The following SOX6 variants were observed in gnomAD, a reference collection of about 807,000 sequenced individuals.
SOX6 encodes the protein transcription factor SOX-6.
A neutral mutation model predicts 97.8 loss-of-function variants in SOX6; 11 were observed. That is an observed-to-expected ratio of 0.11 (90% confidence interval 0.07 to 0.19). The LOEUF is 0.19. Among genes scored for constraint, SOX6 ranks in the 10% least tolerant of loss-of-function variants. The pLI, the probability that SOX6 is intolerant of heterozygous loss-of-function variation, is 1.00. For synonymous variants in SOX6, 360 were observed against 371.4 expected, an observed-to-expected ratio of 0.97 and a Z score of 0.35; for missense variants, 810 against 1,039.5, an observed-to-expected ratio of 0.78 and a Z score of 3.04.
At chr11:16,735,283 T>C (rs1848383161) in intron 2 of SOX6, among the ~76,000 whole-genome samples, 1 of 152,192 alleles carries the variant, frequency 6.6e-6, no homozygotes, top group Non-Finnish European at 1.5e-5. Context: ...TTTAGGCTTA[T>C]CAGGTTTCAG....
intron 3 of SOX6, chr11:16,318,212 G>T: frequency 3.7e-6 from 2 of 541,534 alleles, no homozygotes; most frequent in Non-Finnish European, 6.5e-6. Flanking sequence ...ATCCTAATTT[G>T]TTATCTTAAG....
rs1230672976 is a variant in SOX6 at position 16,208,155 on chromosome 11, A to G, written c.536-21200T>C. The stretch of plus-strand genomic sequence containing the variant: ...TATCTGATGTTTTGAATAATTGTGT[A>G]GACTTTTTAAAAATAAATAAACATT... On this transcript the variant is annotated intron_variant, in intron 4 of 15. Coordinates refer to ENST00000683767, the MANE Select transcript of SOX6 (RefSeq NM_001367873.1). 3.3e-5 allele frequency among the ~76,000 whole-genome samples: 5 copies of G among 152,336 alleles called. No homozygotes were observed. The East Asian group carries it at 9.6e-4, about 29-fold the overall frequency.
At chr11:16,675,284 G>C (rs1847876418) in intron 3 of SOX6, among the ~76,000 whole-genome samples, 1 of 152,052 alleles carries the variant, frequency 6.6e-6, no homozygotes, top group Non-Finnish European at 1.5e-5. Flanking sequence ...CATGTAGCTG[G>C]GACTACAGGC....
In SOX6 at chr11:16,394,047, A is replaced by G. The variant is rs71484714; in HGVS notation, c.-4-52795T>C. 5.0e-3 allele frequency among the ~76,000 whole-genome samples: 756 copies of G among 152,106 alleles called. 4 individuals are homozygous for G. The highest frequency in any genetic ancestry group is 6.7e-3 in the Non-Finnish European group (453 of 67,912). Reference sequence around the variant, plus strand: ...GTTTTCCTAGCTGTGAAACAAAGATAATAATAGCTCTACTTTAACCATTTC... The same window carrying G: ...GTTTTCCTAGCTGTGAAACAAAGATGATAATAGCTCTACTTTAACCATTTC... On this transcript the variant is annotated intron_variant, in intron 1 of 15. Transcript: ENST00000396356.
chr11:16,635,241 T>G (rs1032733728), intron 3 of SOX6, among the ~76,000 whole-genome samples: 1 of 152,020 alleles, frequency 6.6e-6, no homozygotes, highest in African/African-American at 2.4e-5. Context: ...GATAGGAAAA[T>G]GTGAGAAACT....
intron 6 of SOX6, among the ~76,000 whole-genome samples, chr11:16,178,455 G>A (rs1055463243): frequency 3.3e-5 from 5 of 151,858 alleles, no homozygotes; most frequent in African/African-American, 1.2e-4. Flanking sequence ...GCCTGCCTGT[G>A]GGCAATTAAA....
At chr11:16,261,686 G>A (rs968304231) in intron 3 of SOX6, among the ~76,000 whole-genome samples, 2 of 151,910 alleles carry the variant, frequency 1.3e-5, no homozygotes, top group Non-Finnish European at 2.9e-5. Context: ...ATTCAATGCA[G>A]TCTAGGTCAG....
At position 16,649,863 on chromosome 11, in the gene SOX6, A is replaced by G. The variant is rs537938055; in HGVS notation, n.430-37603T>C. Among the ~76,000 whole-genome samples, 8 of 152,300 alleles carry G rather than the reference A, an allele frequency of 5.3e-5. No homozygotes were observed. In the East Asian group the frequency reaches 1.5e-3, roughly 29 times the overall value. ...TAGCAGAATCGATAAAAATCCACCA[A>G]TCAAGTACCTGCTGTCTTCAAGAGA... On this transcript the variant is annotated intron_variant and non_coding_transcript_variant, in intron 3 of 5. Coordinates refer to the SOX6 transcript ENST00000524520.
chr11:16,288,783 A>C (rs1242413265), intron 3 of SOX6, among the ~76,000 whole-genome samples: 2 of 151,960 alleles, frequency 1.3e-5, no homozygotes, highest in African/African-American at 2.4e-5. Flanking sequence ...GGACAAAGAG[A>C]AAGTATTTTA....
At chr11:16,586,939 G>A (rs1461097571) in intron 4 of SOX6, among the ~76,000 whole-genome samples, 1 of 152,138 alleles carries the variant, frequency 6.6e-6, no homozygotes, top group Non-Finnish European at 1.5e-5. Flanking sequence ...ATCAAACTAT[G>A]ACATGAGAAT....
chr11:16,282,543 A>C (rs10832586), intron 3 of SOX6, among the ~76,000 whole-genome samples: 25,208 of 151,504 alleles, frequency 0.17, 2,573 homozygotes, highest in Admixed American at 0.29. Flanking sequence ...CTTGATACCC[A>C]CTAACTTTTT....
At chr11:16,723,385 T>C (rs957417436) in intron 2 of SOX6, among the ~76,000 whole-genome samples, 5 of 151,974 alleles carry the variant, frequency 3.3e-5, no homozygotes, top group African/African-American at 4.8e-5. Flanking sequence ...GATACTGGGT[T>C]TAATACCTGG....
At chr11:16,238,541 AT>A (rs1265606604) in intron 3 of SOX6, among the ~76,000 whole-genome samples, 1 of 152,116 alleles carries the variant, frequency 6.6e-6, no homozygotes, top group Admixed American at 6.6e-5. Context: ...GTGTGGTGAT[AT>A]TTTGGGAACA....
At chr11:16,170,196 C>T (rs1269765663) in intron 6 of SOX6, among the ~76,000 whole-genome samples, 2 of 152,014 alleles carry the variant, frequency 1.3e-5, no homozygotes, top group Admixed American at 1.3e-4. Context: ...GGGGCCTGTT[C>T]AGCTCCCAGA....
At chr11:16,273,843 T>TA (rs1854324102) in intron 3 of SOX6, among the ~76,000 whole-genome samples, 7 of 151,160 alleles carry the variant, frequency 4.6e-5, no homozygotes, top group Middle Eastern at 3.2e-3. Flanking sequence ...AAAGAAAAAG[T>TA]GAAAAAAAGT....
At chr11:16,537,432 A>G (rs1179096929) in intron 4 of SOX6, among the ~76,000 whole-genome samples, 1 of 148,010 alleles carries the variant, frequency 6.8e-6, no homozygotes, top group Non-Finnish European at 1.5e-5. Context: ...AAAGGATTGC[A>G]GCTTCTTGTC....
intron 1 of SOX6, among the ~76,000 whole-genome samples, chr11:16,428,301 C>A (rs1241550704): frequency 6.6e-6 from 1 of 152,052 alleles, no homozygotes; most frequent in South Asian, 2.1e-4. Context: ...ATGGTAGTTT[C>A]TTTTGCTGTG....
intron 1 of SOX6, among the ~76,000 whole-genome samples, chr11:16,461,175 C>T (rs1171582247): frequency 6.6e-6 from 1 of 152,092 alleles, no homozygotes; most frequent in Non-Finnish European, 1.5e-5. Flanking sequence ...AAGAAGAAAG[C>T]AATAGGAGTC....
At chr11:16,104,888 A>C (rs1201591885) in intron 7 of SOX6, among the ~76,000 whole-genome samples, 2 of 152,066 alleles carry the variant, frequency 1.3e-5, no homozygotes, top group African/African-American at 4.8e-5. Flanking sequence ...AAGACAATGA[A>C]TCAATGATCA....
Sources: gnomAD v4.1 joint callset for allele counts (sites outside exome capture counted in the v4.1 genomes callset) on GRCh38, gnomAD v4.1.1 for gene constraint, MANE v1.5 for transcripts, NCBI Gene and HGNC (gene_info 2026-07-23, HGNC 2026-07-21) for gene names.